Variants in SAMD5 observed in about 807,000 individuals in gnomAD.
SAMD5 encodes the protein sterile alpha motif domain-containing protein 5.
A neutral mutation model predicts 11.3 loss-of-function variants in SAMD5; 13 were observed. That is an observed-to-expected ratio of 1.15 (90% CI 0.75 to 1.83). The LOEUF (loss-of-function observed/expected upper bound fraction) is 1.83, where lower values mean the gene tolerates loss of function less well. SAMD5 is among the 40% of genes most tolerant of loss of function. The probability of loss-of-function intolerance (pLI) is 0.00; values close to 1 mark genes in which losing one functional copy is unlikely to be tolerated. For synonymous variants in SAMD5, 129 were observed against 111.3 expected, an observed-to-expected ratio of 1.16 and a Z score of -1.00; for missense variants, 255 against 239.1, an observed-to-expected ratio of 1.07 and a Z score of -0.44.
At position 147,648,315 on chromosome 6, in the gene SAMD5, T is replaced by TA. The variant is rs569707063; in HGVS notation, c.163-88996dup. On this transcript the variant is annotated intron_variant, in intron 1 of 1. Transcript: ENST00000566741. ...AACACAGGAGGAACTACCAAACACT[T>TA]AAAAAACCATCAGATCTCGTGAGAA... Among the ~76,000 whole-genome samples the TA allele has an allele frequency of 1.1e-3, 163 of 152,172 alleles. 2 individuals are homozygous for TA. The highest frequency in any genetic ancestry group is 1.6e-4 in the Non-Finnish European group (11 of 67,996).
chr6:147,589,295 C>G (rs1034098273), intron 1 of SAMD5, among the ~76,000 whole-genome samples: 8 of 152,092 alleles, frequency 5.3e-5, no homozygotes, highest in Admixed American at 1.3e-4. Flanking sequence ...TTTTCACTTT[C>G]AAAAGTTTAG....
chr6:147,874,948 C>T, the SAMD5 span, among the ~76,000 whole-genome samples: 2 of 152,054 alleles, frequency 1.3e-5, no homozygotes, highest in Non-Finnish European at 2.9e-5. Flanking sequence ...CATGACTTCA[C>T]TCAGAGAAAA....
At chr6:147,752,952 G>A in the SAMD5 span, among the ~76,000 whole-genome samples, 11 of 152,268 alleles carry the variant, frequency 7.2e-5, no homozygotes, top group Admixed American at 2.0e-4. Context: ...TCATACAATT[G>A]GAAGCAATTT....
chr6:147,525,965 G>C (rs13214443), intron 1 of SAMD5, among the ~76,000 whole-genome samples: 4 of 152,112 alleles, frequency 2.6e-5, no homozygotes, highest in Admixed American at 6.5e-5. Context: ...GGCCCAGCCT[G>C]TTGGCCATTA....
At chr6:147,704,361 A>G (rs1437678573) in intron 1 of SAMD5, among the ~76,000 whole-genome samples, 2 of 152,124 alleles carry the variant, frequency 1.3e-5, no homozygotes, top group Non-Finnish European at 2.9e-5. Context: ...AACCCTTCTC[A>G]TTGTATTAGG....
chr6:147,944,840 G>C, the SAMD5 span, among the ~76,000 whole-genome samples: 4 of 152,314 alleles, frequency 2.6e-5, no homozygotes, highest in East Asian at 7.7e-4. Flanking sequence ...GGAAGAATCT[G>C]TTCATGCCTC....
At chr6:147,924,799 TAAA>T in the SAMD5 span, among the ~76,000 whole-genome samples, 1 of 150,680 alleles carries the variant, frequency 6.6e-6, no homozygotes, top group Admixed American at 6.6e-5. Flanking sequence ...AATAAATAAA[TAAA>T]TAAATAAATA....
chr6:147,687,929 G>A (rs73014009), intron 1 of SAMD5, among the ~76,000 whole-genome samples: 17,453 of 152,086 alleles, frequency 0.11, 1,102 homozygotes, highest in Middle Eastern at 0.16. Flanking sequence ...ACTGAACTTG[G>A]AACTGTGGTT....
chr6:147,624,469 G>A (rs559137942), intron 1 of SAMD5, among the ~76,000 whole-genome samples: 2 of 152,342 alleles, frequency 1.3e-5, no homozygotes, highest in South Asian at 4.1e-4. Flanking sequence ...CCACTTATGA[G>A]TGAGAACATG....
chr6:147,615,615 C>T (rs1031267777), intron 1 of SAMD5, among the ~76,000 whole-genome samples: 4 of 152,158 alleles, frequency 2.6e-5, no homozygotes, highest in African/African-American at 4.8e-5. Context: ...TTCATGGTTG[C>T]GAACTCATTT....
intron 1 of SAMD5, among the ~76,000 whole-genome samples, chr6:147,550,538 G>A (rs1043651497): frequency 1.3e-5 from 2 of 152,172 alleles, no homozygotes; most frequent in Non-Finnish European, 2.9e-5. Flanking sequence ...TTAAAAAAAT[G>A]TGGTATATAT....
At chr6:147,756,214 T>A in the SAMD5 span, among the ~76,000 whole-genome samples, 1 of 152,160 alleles carries the variant, frequency 6.6e-6, no homozygotes, top group Non-Finnish European at 1.5e-5. Context: ...CATATTTGTG[T>A]CATATAAGAT....
At chr6:147,600,628 C>T (rs1789600693) in intron 1 of SAMD5, among the ~76,000 whole-genome samples, 1 of 152,194 alleles carries the variant, frequency 6.6e-6, no homozygotes, top group African/African-American at 2.4e-5. Context: ...CTCTCCCTCT[C>T]CTCATTTAGA....
intron 1 of SAMD5, among the ~76,000 whole-genome samples, chr6:147,679,797 G>A (rs1260627090): frequency 6.9e-6 from 1 of 145,816 alleles, no homozygotes; most frequent in African/African-American, 2.6e-5. Context: ...TGTAAGGGAT[G>A]GATAAAAACT....
the SAMD5 span, among the ~76,000 whole-genome samples, chr6:147,781,061 T>C: frequency 6.6e-6 from 1 of 152,252 alleles, no homozygotes; most frequent in East Asian, 1.9e-4. Context: ...GTTTTCTTAG[T>C]TTTTTTGTTT....
At position 147,542,524 on chromosome 6, in the gene SAMD5, G is replaced by A. The variant is rs543907929; in HGVS notation, c.460-21870G>A. On this transcript the variant is annotated intron_variant, in intron 1 of 1. Transcript: ENST00000367474. ...AGTTTTTAAGGATAACTTGGTGGGTGGGGGGAAGCCAGTGAGCCAGGAGTG... is the reference window on the plus strand; with the variant it reads ...AGTTTTTAAGGATAACTTGGTGGGTAGGGGGAAGCCAGTGAGCCAGGAGTG... Among the ~76,000 whole-genome samples, 28 of 152,264 alleles carry A rather than the reference G, an allele frequency of 1.8e-4. 2 individuals carry two copies. The East Asian group carries it at 2.1e-3, about 12-fold the overall frequency.
At chr6:147,601,319 C>T (rs183578037) in intron 1 of SAMD5, among the ~76,000 whole-genome samples, 4 of 151,368 alleles carry the variant, frequency 2.6e-5, no homozygotes, top group South Asian at 2.1e-4. Context: ...TTTGTACATA[C>T]CCTGAACACC....
At chr6:147,650,785 G>A (rs916408443) in intron 1 of SAMD5, among the ~76,000 whole-genome samples, 4 of 152,098 alleles carry the variant, frequency 2.6e-5, no homozygotes, top group East Asian at 1.9e-4. Context: ...AGGGTGATGC[G>A]GTTTCCATGT....
At chr6:147,560,660 C>CTTGA (rs1347651007) in intron 1 of SAMD5, among the ~76,000 whole-genome samples, 1 of 152,086 alleles carries the variant, frequency 6.6e-6, no homozygotes, top group African/African-American at 2.4e-5. Flanking sequence ...GAGTAACAGA[C>CTTGA]TTGAAGTCAG....
Sources: gnomAD v4.1 joint callset for allele counts (sites outside exome capture counted in the v4.1 genomes callset) on GRCh38, gnomAD v4.1.1 for gene constraint, MANE v1.5 for transcripts, NCBI Gene and HGNC (gene_info 2026-07-23, HGNC 2026-07-21) for gene names.